The following RIT2 variants were observed in gnomAD, a reference collection of about 807,000 sequenced individuals.
RIT2 encodes GTP-binding protein Rit2.
Under a neutral mutation model 23.7 loss-of-function variants are expected in RIT2, and 24 were observed. The observed-to-expected ratio is 1.01, with a 90% CI of 0.73 to 1.43. The LOEUF is 1.43. RIT2 is among the 40% of genes most tolerant of loss of function. The pLI, the probability that RIT2 is intolerant of heterozygous loss-of-function variation, is 0.00. For missense variants in RIT2, 236 were observed against 266.9 expected (o/e 0.88, Z 0.81); for synonymous variants, 107 against 91.1 (o/e 1.17, Z -0.99).
chr18:42,936,106 C>A (rs758925737), intron 3 of RIT2, among the ~76,000 whole-genome samples: 1 of 151,816 alleles, frequency 6.6e-6, no homozygotes, highest in Non-Finnish European at 1.5e-5. Context: ...AGGAAGTGAT[C>A]ACAAATTGGC....
chr18:42,762,196 C>T (rs1352901250), intron 4 of RIT2, among the ~76,000 whole-genome samples: 1 of 152,184 alleles, frequency 6.6e-6, no homozygotes, highest in Non-Finnish European at 1.5e-5. Flanking sequence ...TAACCCTCCC[C>T]TCCATTTCCT....
intron 4 of RIT2, among the ~76,000 whole-genome samples, chr18:42,773,203 A>G (rs1361863847): frequency 1.3e-5 from 2 of 152,222 alleles, no homozygotes; most frequent in African/African-American, 4.8e-5. Flanking sequence ...CCTGATATTT[A>G]TGAACTGATG....
At chr18:43,017,404 CAA>C (rs1300452598) in intron 2 of RIT2, among the ~76,000 whole-genome samples, 3 of 151,658 alleles carry the variant, frequency 2.0e-5, no homozygotes, top group Non-Finnish European at 4.4e-5. Context: ...TAAAATAATA[CAA>C]AATATAAATA....
At chr18:43,100,206 G>A (rs1056583847) in intron 1 of RIT2, among the ~76,000 whole-genome samples, 2 of 152,132 alleles carry the variant, frequency 1.3e-5, no homozygotes, top group East Asian at 1.9e-4. Flanking sequence ...CCATTGATGC[G>A]ACAATAGGAG....
chr18:43,030,102 T>C (rs973425205), intron 2 of RIT2, among the ~76,000 whole-genome samples: 2 of 152,098 alleles, frequency 1.3e-5, no homozygotes, highest in Non-Finnish European at 2.9e-5. Flanking sequence ...TAATAACATA[T>C]TGGGCATTTT....
At chr18:43,037,885 T>C (rs1291712178) in intron 1 of RIT2, among the ~76,000 whole-genome samples, 5 of 152,168 alleles carry the variant, frequency 3.3e-5, no homozygotes, top group Non-Finnish European at 7.3e-5. Flanking sequence ...TATAGTCCGC[T>C]AGTTTTACTA....
intron 4 of RIT2, among the ~76,000 whole-genome samples, chr18:42,846,381 T>A (rs1906909512): frequency 1.3e-5 from 2 of 151,936 alleles, no homozygotes; most frequent in African/African-American, 4.8e-5. Flanking sequence ...AAAAACAAGC[T>A]TTTCAAACCA....
intron 1 of RIT2, among the ~76,000 whole-genome samples, chr18:43,051,236 T>C (rs1367031421): frequency 6.6e-6 from 1 of 152,110 alleles, no homozygotes; most frequent in Non-Finnish European, 1.5e-5. Flanking sequence ...ACAGAAGTCT[T>C]CCATGTTAAT....
At chr18:42,948,374 A>G (rs1054393108) in intron 3 of RIT2, among the ~76,000 whole-genome samples, 2 of 152,086 alleles carry the variant, frequency 1.3e-5, no homozygotes, top group African/African-American at 2.4e-5. Flanking sequence ...TTCCTCAGTG[A>G]CACTCTGAGT....
chr18:42,939,199 G>A (rs563661470), intron 3 of RIT2, among the ~76,000 whole-genome samples: 2 of 152,284 alleles, frequency 1.3e-5, no homozygotes, highest in African/African-American at 4.8e-5. Flanking sequence ...TGGTGAGAGG[G>A]ATTAAGCATG....
At chr18:42,880,682 T>C (rs1598697222) in intron 4 of RIT2, among the ~76,000 whole-genome samples, 2 of 152,134 alleles carry the variant, frequency 1.3e-5, no homozygotes, top group African/African-American at 4.8e-5. Flanking sequence ...CTTTAAATAC[T>C]TCATATACAT....
At chr18:42,858,662 C>T (rs978340662) in intron 4 of RIT2, among the ~76,000 whole-genome samples, 13 of 152,174 alleles carry the variant, frequency 8.5e-5, no homozygotes, top group Admixed American at 7.9e-4. Context: ...ACATCATTAT[C>T]GCATTCAAAA....
At chr18:42,775,123 A>G (rs574089983) in intron 4 of RIT2, among the ~76,000 whole-genome samples, 2 of 152,282 alleles carry the variant, frequency 1.3e-5, no homozygotes, top group African/African-American at 4.8e-5. Flanking sequence ...CATACATTAA[A>G]TTTATTTCTG....
chr18:43,063,428 A>G (rs1912698620), intron 1 of RIT2, among the ~76,000 whole-genome samples: 1 of 152,182 alleles, frequency 6.6e-6, no homozygotes, highest in Non-Finnish European at 1.5e-5. Flanking sequence ...TATAAACCCA[A>G]TAACTTTCCA....
chr18:42,988,952 G>GT (rs1416960506), intron 2 of RIT2, among the ~76,000 whole-genome samples: 1 of 152,084 alleles, frequency 6.6e-6, no homozygotes, highest in East Asian at 1.9e-4. Context: ...GGTTCATTCT[G>GT]ATTTCTCCTC....
At chr18:42,782,030 C>A (rs1913821864) in intron 4 of RIT2, among the ~76,000 whole-genome samples, 1 of 152,154 alleles carries the variant, frequency 6.6e-6, no homozygotes, top group African/African-American at 2.4e-5. Flanking sequence ...AGATTAGCTT[C>A]AAGTTTCAGA....
At chr18:42,972,494 C>G (rs1055526294) in intron 3 of RIT2, among the ~76,000 whole-genome samples, 5 of 151,554 alleles carry the variant, frequency 3.3e-5, no homozygotes, top group African/African-American at 9.7e-5. Context: ...AAAATAAGTA[C>G]AAAGGGAAAT....
chr18:42,915,924 T>C (rs1229202555), intron 4 of RIT2, among the ~76,000 whole-genome samples: 1 of 151,886 alleles, frequency 6.6e-6, no homozygotes, highest in Non-Finnish European at 1.5e-5. Context: ...ATGTATATAT[T>C]ACACCATATG....
At chr18:42,957,533 C>T (rs1408154079) in intron 3 of RIT2, among the ~76,000 whole-genome samples, 1 of 152,090 alleles carries the variant, frequency 6.6e-6, no homozygotes, top group Non-Finnish European at 1.5e-5. Context: ...CCTGTAATCC[C>T]AGCACTTTGG....
Sources: allele counts gnomAD v4.1 joint callset (sites outside exome capture counted in the v4.1 genomes callset), GRCh38; gene constraint gnomAD v4.1.1; transcripts MANE v1.5; gene names NCBI Gene and HGNC (gene_info 2026-07-23, HGNC 2026-07-21).